LEPR: variants seen among roughly 807,000 people sequenced by gnomAD.
The protein encoded by LEPR is OB receptor.
In LEPR, 56 loss-of-function variants were observed where a neutral mutation model predicts 114.7. The ratio of observed to expected loss-of-function variants is 0.49; its 90% CI spans 0.39 to 0.61. The LOEUF (loss-of-function observed/expected upper bound fraction) is 0.61, where lower values mean the gene tolerates loss of function less well. Among genes scored for constraint, LEPR ranks in the 20% least tolerant of loss-of-function variants. The pLI, the probability that LEPR is intolerant of heterozygous loss-of-function variation, is 0.00. For missense variants in LEPR, 1,202 were observed against 1,352.9 expected, an observed-to-expected ratio of 0.89 and a Z score of 1.75; for synonymous variants, 443 against 461.4, an observed-to-expected ratio of 0.96 and a Z score of 0.51.
chr1:65,549,177 C>T (rs28759790), intron 2 of LEPR, among the ~76,000 whole-genome samples: 98,837 of 149,882 alleles, frequency 0.66, 34,114 homozygotes, highest in Middle Eastern at 0.76. Context: ...CCGTGAGATC[C>T]GCTGTTAGTC....
At chr1:65,598,095 C>CTTTTTTTT (rs1226626771) in intron 7 of LEPR, among the ~76,000 whole-genome samples, 4 of 101,490 alleles carry the variant, frequency 3.9e-5, no homozygotes, top group African/African-American at 1.8e-4. Context: ...CCTCCTGCCT[C>CTTTTTTTT]TTTTTTTTTT....
intron 5 of LEPR, among the ~76,000 whole-genome samples, chr1:65,581,085 A>G (rs2100848730): frequency 6.6e-6 from 1 of 152,322 alleles, no homozygotes; most frequent in East Asian, 1.9e-4. Flanking sequence ...TTCAGCATCC[A>G]TGTGATTAAT....
chr1:65,455,132 A>G (rs1342632397), intron 2 of LEPR, among the ~76,000 whole-genome samples: 1 of 152,124 alleles, frequency 6.6e-6, no homozygotes, highest in African/African-American at 2.4e-5. Flanking sequence ...TTTCAGCTCC[A>G]TCAGCTCCTT....
intron 2 of LEPR, among the ~76,000 whole-genome samples, chr1:65,448,141 A>T (rs1646736025): frequency 1.3e-5 from 2 of 152,158 alleles, no homozygotes; most frequent in Non-Finnish European, 2.9e-5. Context: ...ATTAAGTATG[A>T]TGTTAGCTGC....
At chr1:65,456,365 C>G (rs1418868530) in intron 2 of LEPR, among the ~76,000 whole-genome samples, 12 of 152,056 alleles carry the variant, frequency 7.9e-5, no homozygotes, top group South Asian at 2.1e-4. Context: ...CAACTTTGTC[C>G]TTACTGGTTT....
At chr1:65,420,869 G>C in intron 1 of LEPR, 129 bp downstream of exon 1, 1 of 1,193,722 alleles carries the variant, frequency 8.4e-7, no homozygotes, top group Non-Finnish European at 1.2e-6. Context: ...TCTCCGGTTC[G>C]GGAGGCGATC....
At chr1:65,584,872 T>C (rs1655214879) in intron 5 of LEPR, among the ~76,000 whole-genome samples, 1 of 152,092 alleles carries the variant, frequency 6.6e-6, no homozygotes, top group Non-Finnish European at 1.5e-5. Flanking sequence ...GATTTTCCAT[T>C]TATTTGGTGA....
chr1:65,572,473 G>A (rs772448616), intron 5 of LEPR, 24 bp downstream of exon 5: 2 of 1,575,740 alleles, frequency 1.3e-6, no homozygotes, highest in Admixed American at 3.4e-5. Context: ...AATTAATTTG[G>A]CATTTCTAAT....
chr1:65,540,801 G>C (rs1651136980), intron 2 of LEPR, among the ~76,000 whole-genome samples: 1 of 152,050 alleles, frequency 6.6e-6, no homozygotes, highest in African/African-American at 2.4e-5. Flanking sequence ...TAATTTTCAA[G>C]GTATCTCAGG....
intron 2 of LEPR, chr1:65,434,025 A>G: frequency 2.0e-6 from 2 of 985,400 alleles, no homozygotes; most frequent in South Asian, 4.7e-5. Flanking sequence ...ACATTTTGCA[A>G]AAGTGTTTTT....
At chr1:65,454,902 C>T (rs1204138870) in intron 2 of LEPR, among the ~76,000 whole-genome samples, 12 of 152,262 alleles carry the variant, frequency 7.9e-5, no homozygotes, top group South Asian at 6.2e-4. Context: ...CCATTCTCCC[C>T]GTCACTTTCA....
chr1:65,627,976 C>T (rs1232053188), intron 19 of LEPR, among the ~76,000 whole-genome samples: 3 of 152,084 alleles, frequency 2.0e-5, no homozygotes, highest in Admixed American at 1.3e-4. Flanking sequence ...ATCTATTCCA[C>T]TTTTGAAGCT....
intron 2 of LEPR, among the ~76,000 whole-genome samples, chr1:65,472,411 A>AGCACACACACACAC (rs1553156042): frequency 2.3e-5 from 3 of 133,286 alleles, no homozygotes; most frequent in Non-Finnish European, 4.7e-5. Flanking sequence ...CTGTGGCTAA[A>AGCACACACACACAC]ACACACACAC....
chr1:65,453,252 TGAA>T (rs960897544), intron 2 of LEPR, among the ~76,000 whole-genome samples: 4 of 152,088 alleles, frequency 2.6e-5, no homozygotes, highest in Non-Finnish European at 4.4e-5. Flanking sequence ...ATTAATTTTT[TGAA>T]GGGTTTTTTG....
chr1:65,613,782 A>AAAAAAAGATT (rs1657355689), intron 14 of LEPR, among the ~76,000 whole-genome samples: 1 of 149,922 alleles, frequency 6.7e-6, no homozygotes, highest in Admixed American at 6.6e-5. Context: ...AAAAAAAAAA[A>AAAAAAAGATT]CCAAGTATCT....
chr1:65,527,427 AG>A (rs1650048342), intron 2 of LEPR, among the ~76,000 whole-genome samples: 2 of 152,242 alleles, frequency 1.3e-5, no homozygotes, highest in African/African-American at 4.8e-5. Context: ...GTGAAGGGTT[AG>A]TGTACTTCAT....
At chr1:65,593,199 T>G (rs1230794429) in intron 6 of LEPR, among the ~76,000 whole-genome samples, 2 of 152,128 alleles carry the variant, frequency 1.3e-5, no homozygotes, top group East Asian at 3.8e-4. Context: ...AATTTATTCC[T>G]TCAATAAATA....
chr1:65,501,816 CG>C (rs1648468660), intron 2 of LEPR, among the ~76,000 whole-genome samples: 1 of 152,074 alleles, frequency 6.6e-6, no homozygotes, highest in Admixed American at 6.6e-5. Flanking sequence ...GGAGGATATT[CG>C]AGATACAGTG....
At chr1:65,604,026 T>G (rs902284390) in intron 10 of LEPR, among the ~76,000 whole-genome samples, 3 of 152,156 alleles carry the variant, frequency 2.0e-5, no homozygotes, top group Admixed American at 6.5e-5. Flanking sequence ...GTGAGGAATT[T>G]GCCTTCCTTG....
Sources: gnomAD v4.1 joint callset for allele counts (sites outside exome capture counted in the v4.1 genomes callset) on GRCh38, gnomAD v4.1.1 for gene constraint, MANE v1.5 for transcripts, NCBI Gene and HGNC (gene_info 2026-07-23, HGNC 2026-07-21) for gene names.